Variants in NEK1 observed in about 807,000 individuals in gnomAD.
The protein encoded by NEK1 is serine/threonine-protein kinase Nek1.
NEK1 carries 137 observed loss-of-function variants against 182.1 expected under a neutral mutation model. That is an observed-to-expected ratio of 0.75 (90% confidence interval 0.65 to 0.87). The LOEUF (loss-of-function observed/expected upper bound fraction) is 0.87. Among genes scored for constraint, NEK1 ranks in the 40% least tolerant of loss-of-function variants. NEK1 has a pLI of 0.00. For missense variants in NEK1, 1,391 were observed against 1,494.4 expected (o/e 0.93, Z 1.14); for synonymous variants, 513 against 492.2 (o/e 1.04, Z -0.56).
At chr4:169,579,098 C>T (rs1265529343) in intron 11 of NEK1, among the ~76,000 whole-genome samples, 1 of 152,176 alleles carries the variant, frequency 6.6e-6, no homozygotes, top group African/African-American at 2.4e-5. Flanking sequence ...GTCCCATCTA[C>T]TTTCCAGAGA....
chr4:169,473,728 T>C (rs1201109182), intron 26 of NEK1, among the ~76,000 whole-genome samples: 1 of 150,978 alleles, frequency 6.6e-6, no homozygotes, highest in Non-Finnish European at 1.5e-5. Flanking sequence ...CTCCAAAAAA[T>C]ACGAAAGAGA....
At chr4:169,462,561 A>G (rs1579870801) in intron 27 of NEK1, among the ~76,000 whole-genome samples, 1 of 152,058 alleles carries the variant, frequency 6.6e-6, no homozygotes, top group African/African-American at 2.4e-5. Flanking sequence ...TTTTTCCACC[A>G]GCTCTGGATA....
chr4:169,417,969 A>G (rs534975827), intron 31 of NEK1, among the ~76,000 whole-genome samples: 3 of 152,284 alleles, frequency 2.0e-5, no homozygotes, highest in African/African-American at 7.2e-5. Flanking sequence ...AACAAAAAAA[A>G]CTTCAAAACT....
intron 23 of NEK1, among the ~76,000 whole-genome samples, chr4:169,496,151 T>C (rs1751226438): frequency 6.6e-6 from 1 of 152,236 alleles, no homozygotes; most frequent in Non-Finnish European, 1.5e-5. Context: ...AGGTATTTTA[T>C]ACTCTTTGAA....
At chr4:169,480,162 C>T (rs1015624596) in intron 23 of NEK1, among the ~76,000 whole-genome samples, 1 of 152,158 alleles carries the variant, frequency 6.6e-6, no homozygotes, top group Non-Finnish European at 1.5e-5. Flanking sequence ...TTACTCCCTA[C>T]TCCCTATTCC....
Position 169,602,091 on chromosome 4 carries a change from T to C in NEK1, c.131A>G (p.Glu44Gly). Residue 44 changes from glutamate (E) to glycine (G), a missense_variant, in exon 4 of 36, where the codon GAA becomes GGA. Glu to Gly is a moderately conservative substitution (Grantham distance 98). Around this residue, in one of 5 missense-constraint regions of NEK1, gnomAD observed 42 missense variants for 47.9 expected, o/e 0.88. Coordinates refer to ENST00000507142, the MANE Select transcript of NEK1 (RefSeq NM_001199397.3). ...AACTTCTCTCCTTGATTCTTCTCTT[T>C]CTTTACTGGACATCTTAAATGGGAG... ...EINISRMSSKEREESRREVAV... is the reference protein window; with the variant it reads ...EINISRMSSKGREESRREVAV... 1.2e-6 allele frequency: 2 copies of C among 1,612,092 alleles called. No individual in the cohort carries two copies. The highest frequency in any genetic ancestry group is 2.2e-5 in the East Asian group (1 of 44,804).
chr4:169,408,611 C>T (rs138987113), intron 31 of NEK1, among the ~76,000 whole-genome samples: 30 of 152,128 alleles, frequency 2.0e-4, no homozygotes, highest in African/African-American at 7.0e-4. Context: ...GTCTTTTATC[C>T]CTCATCTACC....
At chr4:169,495,509 T>A (rs1413627786) in intron 23 of NEK1, among the ~76,000 whole-genome samples, 1 of 152,196 alleles carries the variant, frequency 6.6e-6, no homozygotes, top group Non-Finnish European at 1.5e-5. Flanking sequence ...CCCAAAGTGC[T>A]GGGATTACAG....
chr4:169,440,356 A>T (rs1357951140), intron 27 of NEK1, among the ~76,000 whole-genome samples: 1 of 152,146 alleles, frequency 6.6e-6, no homozygotes, highest in Non-Finnish European at 1.5e-5. Flanking sequence ...TTTTAAAGGG[A>T]TATTACCTTT....
At chr4:169,501,221 A>T (rs925165858) in intron 23 of NEK1, among the ~76,000 whole-genome samples, 6 of 152,222 alleles carry the variant, frequency 3.9e-5, no homozygotes, top group Non-Finnish European at 7.3e-5. Flanking sequence ...AAATATGTAC[A>T]TGCCCAACAC....
chr4:169,562,077 G>C, intron 13 of NEK1, 60 bp downstream of exon 13: 1 of 1,319,416 alleles, frequency 7.6e-7, no homozygotes, highest in African/African-American at 1.5e-5. Context: ...GTAAGATTTT[G>C]TTTCTTTTTT....
chr4:169,431,890 G>C (rs1346627970), intron 29 of NEK1, among the ~76,000 whole-genome samples: 1 of 151,546 alleles, frequency 6.6e-6, no homozygotes, highest in Non-Finnish European at 1.5e-5. Flanking sequence ...AACAATAAAA[G>C]ATAAACAAAA....
intron 29 of NEK1, among the ~76,000 whole-genome samples, chr4:169,433,078 G>A (rs762541799): frequency 6.6e-6 from 1 of 151,146 alleles, no homozygotes; most frequent in Non-Finnish European, 1.5e-5. Flanking sequence ...TTTATTTTTT[G>A]TGAGACAGTC....
At chr4:169,565,810 G>C (rs537139197) in intron 12 of NEK1, among the ~76,000 whole-genome samples, 7 of 151,754 alleles carry the variant, frequency 4.6e-5, no homozygotes, top group African/African-American at 1.7e-4. Context: ...GTTGGGGGAA[G>C]AATGGGGAGT....
chr4:169,609,221 G>A (rs1771908160), intron 2 of NEK1, among the ~76,000 whole-genome samples: 1 of 152,134 alleles, frequency 6.6e-6, no homozygotes, highest in South Asian at 2.1e-4. Context: ...GTACTGTACT[G>A]TGGGGGAATA....
chr4:169,401,958 A>G lies in NEK1; in HGVS notation c.3375-98T>C, dbSNP rs544167899. 5.7e-5 allele frequency: 56 copies of G among 986,388 alleles called. 2 individuals carry two copies. The South Asian group carries it at 1.0e-3, about 18-fold the overall frequency. 61.1% of individuals were successfully genotyped at this position (986,388 alleles called of 1,614,324 possible). ...TCATACTGAAATTTTACTTCTACTC[A>G]ATACGTAGGCACTTCTTAAAAAATC... is the stretch of plus-strand genomic sequence containing the variant. On this transcript the variant is annotated intron_variant, in intron 32 of 35. Coordinates refer to ENST00000507142, the MANE Select transcript of NEK1 (RefSeq NM_001199397.3).
In NEK1 at chr4:169,581,279, T is replaced by C. The variant is rs1251083586; in HGVS notation, c.808-377A>G. ...ATTTATGTATGTATCTGTGGGTGTA[T>C]GTTTTTGAGACAGGGTCTCACTTTG... On this transcript the variant is annotated intron_variant, in intron 10 of 35. Coordinates refer to ENST00000507142, the MANE Select transcript of NEK1 (RefSeq NM_001199397.3). Among the ~76,000 whole-genome samples, 11 of 152,204 alleles carry C rather than the reference T, an allele frequency of 7.2e-5. No homozygotes were observed. In the South Asian group the frequency reaches 2.3e-3, roughly 32 times the overall value.
chr4:169,514,675 TA>T (rs1754810207), intron 19 of NEK1, among the ~76,000 whole-genome samples: 1 of 152,246 alleles, frequency 6.6e-6, no homozygotes, highest in Non-Finnish European at 1.5e-5. Flanking sequence ...TTTATCCTTT[TA>T]ATTGTTACAA....
At chr4:169,481,518 C>T (rs1323676357) in intron 23 of NEK1, among the ~76,000 whole-genome samples, 6 of 152,184 alleles carry the variant, frequency 3.9e-5, no homozygotes, top group Non-Finnish European at 7.3e-5. Context: ...CAACATGAAT[C>T]TCTTTGTATA....
Sources: allele counts gnomAD v4.1 joint callset (sites outside exome capture counted in the v4.1 genomes callset), GRCh38; gene constraint gnomAD v4.1.1; regional missense constraint gnomAD v4.1.1; transcripts MANE v1.5; gene names NCBI Gene and HGNC (gene_info 2026-07-23, HGNC 2026-07-21).